ECT2: variants seen among roughly 807,000 people sequenced by gnomAD.
The protein encoded by ECT2 is epithelial cell transforming 2.
A neutral mutation model predicts 116.9 loss-of-function variants in ECT2; 61 were observed. The observed-to-expected ratio is 0.52, with a 90% confidence interval of 0.42 to 0.65. The LOEUF (loss-of-function observed/expected upper bound fraction) is 0.65, where lower values mean the gene tolerates loss of function less well. Ranked by LOEUF, ECT2 falls within the 30% of genes least tolerant of loss-of-function variation. The probability of loss-of-function intolerance (pLI) is 0.00; values close to 1 mark genes in which losing one functional copy is unlikely to be tolerated. For synonymous variants in ECT2, 358 were observed against 346.4 expected (o/e 1.03, Z -0.37); for missense variants, 937 against 1,078.7 (o/e 0.87, Z 1.84).
chr3:172,808,212 A>AT (rs1728120679), intron 22 of ECT2, among the ~76,000 whole-genome samples: 1 of 152,036 alleles, frequency 6.6e-6, no homozygotes, highest in African/African-American at 2.4e-5. Context: ...GTACCCTGTG[A>AT]TTTTTCATTG....
intron 12 of ECT2, among the ~76,000 whole-genome samples, chr3:172,764,842 A>G (rs910525795): frequency 6.6e-6 from 1 of 152,216 alleles, no homozygotes; most frequent in African/African-American, 2.4e-5. Context: ...ACAAAGTCAC[A>G]GGGGAGGTCA....
At chr3:172,765,691 G>A (rs1040542496) in intron 12 of ECT2, among the ~76,000 whole-genome samples, 12 of 152,032 alleles carry the variant, frequency 7.9e-5, no homozygotes, top group Admixed American at 2.6e-4. Context: ...ATATAAATTA[G>A]ATGATGCCAC....
Position 172,768,999 on chromosome 3 carries a change from C to T in ECT2, c.1292-8C>T, listed in dbSNP as rs1483326769. 12 of 1,583,786 alleles carry T rather than the reference C, an allele frequency of 7.6e-6. No individual in the cohort carries two copies. Among genetic ancestry groups the T allele is most frequent in the South Asian group, 2.4e-5 (2 of 85,060 alleles). ...TCCATTAAATCTTTCCACCTTTTAA[C>T]GTTTCAGACACCCCAAAGTCTTGTA... On this transcript the variant is annotated splice_polypyrimidine_tract_variant and splice_region_variant and intron_variant, in intron 12 of 24. Coordinates refer to ENST00000392692, the MANE Select transcript of ECT2 (RefSeq NM_001258315.2).
At chr3:172,782,547 T>C (rs1254417315) in intron 15 of ECT2, among the ~76,000 whole-genome samples, 1 of 152,220 alleles carries the variant, frequency 6.6e-6, no homozygotes, top group African/African-American at 2.4e-5. Flanking sequence ...TATTTAATTT[T>C]CATTTTAAGT....
At chr3:172,785,911 A>G (rs1414291879) in intron 17 of ECT2, among the ~76,000 whole-genome samples, 1 of 152,220 alleles carries the variant, frequency 6.6e-6, no homozygotes, top group African/African-American at 2.4e-5. Context: ...CGTAAATGTT[A>G]CAAATAAAAT....
At chr3:172,822,479 C>T (rs372667897), downstream of ECT2, among the ~76,000 whole-genome samples, 9 of 151,990 alleles carry the variant, frequency 5.9e-5, no homozygotes, top group African/African-American at 2.2e-4. Context: ...ATACCAAAGA[C>T]TAGTTGAAGG....
intron 18 of ECT2, among the ~76,000 whole-genome samples, chr3:172,787,342 G>T (rs1723786226): frequency 7.3e-6 from 1 of 136,724 alleles, no homozygotes. Context: ...CTAGAGAGGG[G>T]ATTCAGCGGA....
the ECT2 span, among the ~76,000 whole-genome samples, chr3:172,827,142 T>TTTGTTCGAGTA: frequency 6.6e-6 from 1 of 152,138 alleles, no homozygotes; most frequent in Non-Finnish European, 1.5e-5. Context: ...CCGAGGGATG[T>TTTGTTCGAGTA]TTGTTCGAGA....
intron 5 of ECT2, 34 bp downstream of exon 5, chr3:172,757,199 T>C (rs765780619): frequency 7.3e-7 from 1 of 1,370,570 alleles, no homozygotes; most frequent in Non-Finnish European, 9.6e-7. Context: ...CTTTTCAAGT[T>C]AAAATTTTTA....
chr3:172,824,480 T>G (rs1730793730), downstream of ECT2, among the ~76,000 whole-genome samples: 1 of 152,048 alleles, frequency 6.6e-6, no homozygotes, highest in Non-Finnish European at 1.5e-5. Context: ...TGCTAAAGCA[T>G]TCATGAGAAA....
intron 14 of ECT2, among the ~76,000 whole-genome samples, chr3:172,776,198 C>CTTT (rs60558773): frequency 7.3e-4 from 81 of 111,568 alleles, no homozygotes; most frequent in African/African-American, 1.5e-3. Flanking sequence ...TCAGTTTTTT[C>CTTT]TTTTTTTTTT....
chr3:172,757,180 T>G lies in ECT2; in HGVS notation c.486+15T>G, dbSNP rs1717159532. ...AAAAAGGAGAGGTAAGCATATACAT[T>G]TATTATGACTTTTCAAGTTAAAATT... On this transcript the variant is annotated intron_variant, in intron 5 of 24. Transcript: ENST00000392692. The G allele has an allele frequency of 1.4e-6, 2 of 1,413,896 alleles. No individual in the cohort carries two copies. The highest frequency in any genetic ancestry group is 2.9e-5 in the Admixed American group (1 of 34,976). The allele number at this position is 1,413,896 out of a possible 1,614,324, so 87.6% of individuals were successfully genotyped here.
intron 18 of ECT2, among the ~76,000 whole-genome samples, chr3:172,787,436 G>A (rs1385296991): frequency 6.6e-6 from 1 of 152,112 alleles, no homozygotes; most frequent in Non-Finnish European, 1.5e-5. Flanking sequence ...ATGTAAATAG[G>A]TGTCCCAAGA....
chr3:172,774,411 C>T (rs1162794715), intron 14 of ECT2, among the ~76,000 whole-genome samples: 1 of 152,046 alleles, frequency 6.6e-6, no homozygotes, highest in African/African-American at 2.4e-5. Context: ...GCTGCCCAGG[C>T]TGGTTTCGAA....
At chr3:172,784,626 A>G (rs770864689) in intron 16 of ECT2, 81 bp from the exon 17 acceptor site, 17 of 960,580 alleles carry the variant, frequency 1.8e-5, no homozygotes, top group African/African-American at 3.2e-5. Flanking sequence ...GACACTAATG[A>G]TAAGGTGTAC....
intron 18 of ECT2, among the ~76,000 whole-genome samples, chr3:172,790,316 C>G (rs1190024358): frequency 2.0e-5 from 3 of 152,190 alleles, no homozygotes; most frequent in African/African-American, 7.2e-5. Context: ...GCATACAAAT[C>G]AGTGGCCTGC....
the ECT2 span, chr3:172,828,771 A>G: frequency 3.2e-6 from 2 of 633,878 alleles, no homozygotes; most frequent in Non-Finnish European, 5.7e-6. Flanking sequence ...CATCAAACAG[A>G]AGAACCCCCC....
chr3:172,789,763 C>T (rs1724309179), intron 18 of ECT2, among the ~76,000 whole-genome samples: 1 of 152,164 alleles, frequency 6.6e-6, no homozygotes, highest in Admixed American at 6.5e-5. Flanking sequence ...AAACCACTTT[C>T]TTTGCTTATA....
intron 13 of ECT2, among the ~76,000 whole-genome samples, chr3:172,773,182 A>G (rs1720971033): frequency 6.6e-6 from 1 of 152,122 alleles, no homozygotes; most frequent in Admixed American, 6.6e-5. Context: ...GTCTACATTT[A>G]TTTAGGTTGT....
Sources: gnomAD v4.1 joint callset for allele counts (sites outside exome capture counted in the v4.1 genomes callset) on GRCh38, gnomAD v4.1.1 for gene constraint, MANE v1.5 for transcripts, NCBI Gene and HGNC (gene_info 2026-07-23, HGNC 2026-07-21) for gene names.